WWOX: variants seen among roughly 807,000 people sequenced by gnomAD.
WWOX encodes WW domain containing oxidoreductase.
WWOX carries 69 observed loss-of-function variants against 46.2 expected under a neutral mutation model. That is an observed-to-expected ratio of 1.49 (90% CI 1.23 to 1.82). WWOX has a LOEUF of 1.82. Among genes scored for constraint, WWOX ranks in the 40% most tolerant of loss-of-function variants. The pLI is 0.00. For missense variants in WWOX, 919 were observed against 542.6 expected, an observed-to-expected ratio of 1.69 and a Z score of -6.89; for synonymous variants, 359 against 202.6, an observed-to-expected ratio of 1.77 and a Z score of -6.56.
intron 8 of WWOX, among the ~76,000 whole-genome samples, chr16:78,476,801 C>G (rs2084359510): frequency 6.6e-6 from 1 of 152,028 alleles, no homozygotes; most frequent in Non-Finnish European, 1.5e-5. Context: ...ACACAATAGG[C>G]AATTGAGATA....
At chr16:78,919,610 C>T (rs758570350) in intron 8 of WWOX, among the ~76,000 whole-genome samples, 15 of 150,118 alleles carry the variant, frequency 1.0e-4, no homozygotes, top group Non-Finnish European at 1.3e-4. Flanking sequence ...CTCCGCCTCC[C>T]GGGATCAAGC....
chr16:78,375,643 C>A (rs144241702), intron 5 of WWOX, among the ~76,000 whole-genome samples: 1 of 151,946 alleles, frequency 6.6e-6, no homozygotes, highest in African/African-American at 2.4e-5. Context: ...TTTGGAGGAC[C>A]CTCAGTAAAA....
rs547035475 is a variant in WWOX at position 78,730,589 on chromosome 16, C to A, written c.1056+297837C>A. Reference sequence around the variant, plus strand: ...AACCTAGCCTCCTAAGTAGCTGGGACCACAGGTGCATGCCACCACGCCCGG... The same window carrying A: ...AACCTAGCCTCCTAAGTAGCTGGGAACACAGGTGCATGCCACCACGCCCGG... On this transcript the variant is annotated intron_variant, in intron 8 of 8. Coordinates refer to ENST00000566780, the MANE Select transcript of WWOX (RefSeq NM_016373.4). 2.0e-5 allele frequency among the ~76,000 whole-genome samples: 3 copies of A among 151,010 alleles called. No homozygotes were observed. The South Asian group carries it at 6.3e-4, about 32-fold the overall frequency.
intron 8 of WWOX, among the ~76,000 whole-genome samples, chr16:78,678,331 G>A (rs866476834): frequency 6.6e-5 from 10 of 152,260 alleles, no homozygotes; most frequent in Non-Finnish European, 7.3e-5. Context: ...GGGTATGAGC[G>A]GGCCACTGCA....
At chr16:78,179,327 A>C (rs2035453274) in intron 5 of WWOX, among the ~76,000 whole-genome samples, 1 of 152,210 alleles carries the variant, frequency 6.6e-6, no homozygotes, top group South Asian at 2.1e-4. Context: ...GTTATGGATT[A>C]ACAGATTACA....
chr16:79,132,929 T>G (rs973669526), intron 8 of WWOX, among the ~76,000 whole-genome samples: 1 of 152,228 alleles, frequency 6.6e-6, no homozygotes, highest in Admixed American at 6.5e-5. Flanking sequence ...TGGGGCTTCT[T>G]GGCTGATCTG....
chr16:78,565,830 C>T (rs1597276586), intron 8 of WWOX, among the ~76,000 whole-genome samples: 1 of 152,056 alleles, frequency 6.6e-6, no homozygotes, highest in East Asian at 1.9e-4. Flanking sequence ...TGGGAGTCTT[C>T]CTTATGAAGC....
intron 8 of WWOX, among the ~76,000 whole-genome samples, chr16:79,028,733 A>C (rs1421988886): frequency 1.3e-5 from 2 of 151,842 alleles, no homozygotes; most frequent in African/African-American, 2.4e-5. Context: ...ACTTCTTTCC[A>C]CAAGAGTAGG....
chr16:79,183,272 C>A (rs1392023968), intron 8 of WWOX, among the ~76,000 whole-genome samples: 4 of 152,206 alleles, frequency 2.6e-5, no homozygotes, highest in African/African-American at 7.2e-5. Flanking sequence ...AAGGTCAAGG[C>A]TCCCTGTGAG....
chr16:78,127,062 A>T (rs2033392395), intron 4 of WWOX, among the ~76,000 whole-genome samples: 1 of 152,202 alleles, frequency 6.6e-6, no homozygotes, highest in Non-Finnish European at 1.5e-5. Context: ...TAGGAGAGGA[A>T]CACTGACTCT....
At chr16:79,189,934 AGG>A (rs67451675) in intron 8 of WWOX, among the ~76,000 whole-genome samples, 1 of 91,162 alleles carries the variant, frequency 1.1e-5, no homozygotes, top group South Asian at 3.8e-4. Context: ...GGGGTGGGGA[AGG>A]GGGGGGGGAT....
At chr16:78,855,684 C>G (rs1332583385) in intron 8 of WWOX, among the ~76,000 whole-genome samples, 1 of 152,188 alleles carries the variant, frequency 6.6e-6, no homozygotes, top group Non-Finnish European at 1.5e-5. Context: ...TAATCATTTT[C>G]AAGGTTTAAG....
chr16:78,804,294 A>T (rs903897761), intron 8 of WWOX, among the ~76,000 whole-genome samples: 1 of 152,030 alleles, frequency 6.6e-6, no homozygotes, highest in Non-Finnish European at 1.5e-5. Context: ...TTTGCCCTCA[A>T]TTTCATTGAG....
At chr16:79,194,056 A>G (rs1382761673) in intron 8 of WWOX, among the ~76,000 whole-genome samples, 1 of 152,128 alleles carries the variant, frequency 6.6e-6, no homozygotes, top group Non-Finnish European at 1.5e-5. Flanking sequence ...CGTGGTTGTT[A>G]TGAAGATTCT....
At chr16:78,903,026 C>T (rs1214441217) in intron 8 of WWOX, among the ~76,000 whole-genome samples, 2 of 152,076 alleles carry the variant, frequency 1.3e-5, no homozygotes, top group Non-Finnish European at 2.9e-5. Flanking sequence ...AATAGTTGGA[C>T]AAAATGCACA....
chr16:78,357,734 C>G (rs1006046936), intron 5 of WWOX, among the ~76,000 whole-genome samples: 12 of 152,124 alleles, frequency 7.9e-5, no homozygotes, highest in Non-Finnish European at 8.8e-5. Context: ...GTGCTGGGTG[C>G]TACATATTTA....
intron 8 of WWOX, among the ~76,000 whole-genome samples, chr16:78,784,829 A>G (rs1597604825): frequency 6.6e-6 from 1 of 152,166 alleles, no homozygotes; most frequent in East Asian, 1.9e-4. Flanking sequence ...AGGATCCCCA[A>G]GGGATACTCA....
intron 8 of WWOX, among the ~76,000 whole-genome samples, chr16:78,599,903 A>T (rs532992607): frequency 1.3e-5 from 2 of 152,118 alleles, no homozygotes; most frequent in South Asian, 4.2e-4. Flanking sequence ...CTAGGACTCA[A>T]AGATGCCGTG....
chr16:78,459,103 C>A (rs981557285), intron 8 of WWOX, among the ~76,000 whole-genome samples: 2 of 152,120 alleles, frequency 1.3e-5, no homozygotes, highest in East Asian at 3.9e-4. Flanking sequence ...CCGCAAGGGC[C>A]TTCTGTGTGA....
Sources: gnomAD v4.1 joint callset for allele counts (sites outside exome capture counted in the v4.1 genomes callset) on GRCh38, gnomAD v4.1.1 for gene constraint, MANE v1.5 for transcripts, NCBI Gene and HGNC (gene_info 2026-07-23, HGNC 2026-07-21) for gene names.